HS6ST3: variants seen among roughly 807,000 people sequenced by gnomAD.
The protein encoded by HS6ST3 is heparan sulfate 6-O-sulfotransferase 3.
In HS6ST3, 12 loss-of-function variants were observed where a neutral mutation model predicts 36.7. That is an observed-to-expected ratio of 0.33 (90% CI 0.21 to 0.53). The LOEUF (loss-of-function observed/expected upper bound fraction) is 0.53. HS6ST3 is among the 20% of genes least tolerant of loss of function. HS6ST3 has a pLI of 0.95. For missense variants in HS6ST3, 584 were observed against 640.9 expected, an observed-to-expected ratio of 0.91 and a Z score of 0.96; for synonymous variants, 240 against 257.5, an observed-to-expected ratio of 0.93 and a Z score of 0.65.
intron 1 of HS6ST3, among the ~76,000 whole-genome samples, chr13:96,375,874 C>T (rs1198517685): frequency 1.3e-5 from 2 of 152,160 alleles, no homozygotes; most frequent in Non-Finnish European, 2.9e-5. Flanking sequence ...AAGAGAAAAG[C>T]TTCTCTCTGT....
chr13:96,348,201 A>G (rs2139429626), intron 1 of HS6ST3, among the ~76,000 whole-genome samples: 1 of 152,370 alleles, frequency 6.6e-6, no homozygotes, highest in Middle Eastern at 3.4e-3. Flanking sequence ...CTTGACTGGA[A>G]AATTCAAGGA....
chr13:96,231,966 C>T (rs2139367986), intron 1 of HS6ST3, among the ~76,000 whole-genome samples: 1 of 152,210 alleles, frequency 6.6e-6, no homozygotes, highest in Non-Finnish European at 1.5e-5. Context: ...GGATTGTGTG[C>T]TTGTTTCCAG....
At chr13:96,331,785 T>C (rs1594755540) in intron 1 of HS6ST3, among the ~76,000 whole-genome samples, 1 of 152,086 alleles carries the variant, frequency 6.6e-6, no homozygotes, top group East Asian at 1.9e-4. Flanking sequence ...CCAGCCTCGC[T>C]GCCGCCTTGC....
At chr13:96,281,088 C>T (rs2054773793) in intron 1 of HS6ST3, among the ~76,000 whole-genome samples, 1 of 152,036 alleles carries the variant, frequency 6.6e-6, no homozygotes, top group African/African-American at 2.4e-5. Flanking sequence ...CTCACTGCAA[C>T]CTCTGCCTCC....
At chr13:96,326,518 C>T (rs1485193555) in intron 1 of HS6ST3, among the ~76,000 whole-genome samples, 3 of 152,034 alleles carry the variant, frequency 2.0e-5, no homozygotes, top group Non-Finnish European at 4.4e-5. Context: ...CATCATTTTT[C>T]ATGGCTGCAT....
intron 1 of HS6ST3, among the ~76,000 whole-genome samples, chr13:96,192,763 G>C (rs1401098881): frequency 6.6e-6 from 1 of 151,716 alleles, no homozygotes; most frequent in South Asian, 2.1e-4. Flanking sequence ...TTCTACTTTG[G>C]GTAGATACTC....
At chr13:96,756,622 T>G (rs1434804411) in intron 1 of HS6ST3, among the ~76,000 whole-genome samples, 2 of 152,256 alleles carry the variant, frequency 1.3e-5, no homozygotes, top group Non-Finnish European at 2.9e-5. Context: ...AAGAAAGTCT[T>G]TCAATGCATA....
At chr13:96,123,810 T>C (rs2053937921) in intron 1 of HS6ST3, among the ~76,000 whole-genome samples, 1 of 152,180 alleles carries the variant, frequency 6.6e-6, no homozygotes, top group African/African-American at 2.4e-5. Flanking sequence ...AACTCATCTA[T>C]ACCTTAATTT....
chr13:96,384,487 G>GT (rs1169631768), intron 1 of HS6ST3, among the ~76,000 whole-genome samples: 12 of 152,148 alleles, frequency 7.9e-5, no homozygotes, highest in African/African-American at 2.4e-4. Flanking sequence ...GCCAATGAGA[G>GT]TTTTTTTCTA....
At chr13:96,717,545 T>C (rs1327133560) in intron 1 of HS6ST3, among the ~76,000 whole-genome samples, 1 of 152,222 alleles carries the variant, frequency 6.6e-6, no homozygotes, top group East Asian at 1.9e-4. Context: ...TTATTTTTAT[T>C]TGCAGAGAGG....
intron 1 of HS6ST3, among the ~76,000 whole-genome samples, chr13:96,306,505 C>T (rs139943254): frequency 6.6e-6 from 1 of 152,234 alleles, no homozygotes; most frequent in Middle Eastern, 3.4e-3. Context: ...GTCACCGCAC[C>T]CGGCTGGTTA....
At chr13:96,177,921 TA>T (rs1315040096) in intron 1 of HS6ST3, among the ~76,000 whole-genome samples, 1 of 152,216 alleles carries the variant, frequency 6.6e-6, no homozygotes, top group African/African-American at 2.4e-5. Flanking sequence ...ATTGTGGTTT[TA>T]AAATGATCAT....
chr13:96,321,253 C>T (rs940796902), intron 1 of HS6ST3, among the ~76,000 whole-genome samples: 25 of 152,106 alleles, frequency 1.6e-4, no homozygotes, highest in South Asian at 6.2e-4. Flanking sequence ...GATCCCTCCA[C>T]GTTGAAGTTG....
intron 1 of HS6ST3, among the ~76,000 whole-genome samples, chr13:96,139,085 G>A (rs1426501697): frequency 3.3e-5 from 5 of 152,060 alleles, no homozygotes; most frequent in Non-Finnish European, 2.9e-5. Context: ...ATTTCCACTT[G>A]GCTGAGGAAT....
intron 1 of HS6ST3, among the ~76,000 whole-genome samples, chr13:96,158,838 A>G (rs549511511): frequency 6.6e-6 from 1 of 151,890 alleles, no homozygotes; most frequent in East Asian, 2.0e-4. Flanking sequence ...CCCAGGAACC[A>G]GGAGGTCACT....
intron 1 of HS6ST3, among the ~76,000 whole-genome samples, chr13:96,362,095 A>G (rs2055241668): frequency 6.6e-6 from 1 of 152,216 alleles, no homozygotes; most frequent in Non-Finnish European, 1.5e-5. Context: ...AGTTAAATTC[A>G]GTGGAAGAGT....
At chr13:96,407,349 G>C (rs2055483836) in intron 1 of HS6ST3, among the ~76,000 whole-genome samples, 1 of 152,180 alleles carries the variant, frequency 6.6e-6, no homozygotes, top group Admixed American at 6.5e-5. Context: ...CTCTTGGATA[G>C]ACTGGGGTCA....
chr13:96,691,930 C>T (rs1038883535), intron 1 of HS6ST3, among the ~76,000 whole-genome samples: 5 of 152,078 alleles, frequency 3.3e-5, no homozygotes, highest in African/African-American at 1.2e-4. Flanking sequence ...CGTTCAAGGA[C>T]ATACAACTTA....
chr13:96,128,754 G>A (rs2053962879), intron 1 of HS6ST3, among the ~76,000 whole-genome samples: 1 of 152,046 alleles, frequency 6.6e-6, no homozygotes, highest in African/African-American at 2.4e-5. Context: ...TTTGTTTGAT[G>A]CAGAGAGCTT....
Sources: allele counts gnomAD v4.1 joint callset (sites outside exome capture counted in the v4.1 genomes callset), GRCh38; gene constraint gnomAD v4.1.1; transcripts MANE v1.5; gene names NCBI Gene and HGNC (gene_info 2026-07-23, HGNC 2026-07-21).